KLKB1: variants seen among roughly 807,000 people sequenced by gnomAD.
The protein encoded by KLKB1 is kallikrein B1, also known as plasma kallikrein.
KLKB1 carries 58 observed loss-of-function variants against 73.6 expected under a neutral mutation model. The observed-to-expected ratio is 0.79, with a 90% CI of 0.64 to 0.98. KLKB1 has a LOEUF of 0.98. KLKB1 is among the 50% of genes least tolerant of loss of function. KLKB1 has a pLI of 0.00. For synonymous variants in KLKB1, 280 were observed against 258.1 expected (o/e 1.08, Z -0.81); for missense variants, 737 against 763.8 (o/e 0.96, Z 0.41).
At chr4:186,255,831 A>G (rs953919638) in intron 12 of KLKB1, among the ~76,000 whole-genome samples, 161 bp from the exon 13 acceptor site, 14 of 152,190 alleles carry the variant, frequency 9.2e-5, no homozygotes, top group Non-Finnish European at 1.5e-4. Flanking sequence ...GTGGTGACAA[A>G]TTTTCTTGAA....
intron 2 of KLKB1, among the ~76,000 whole-genome samples, chr4:186,219,123 G>A (rs1461404955): frequency 1.3e-5 from 2 of 152,100 alleles, no homozygotes; most frequent in African/African-American, 4.8e-5. Flanking sequence ...ATCCTAGCCC[G>A]GCTGGCAGCT....
At chr4:186,216,943 C>T (rs914658364) in intron 2 of KLKB1, among the ~76,000 whole-genome samples, 2 of 152,190 alleles carry the variant, frequency 1.3e-5, no homozygotes, top group African/African-American at 4.8e-5. Flanking sequence ...ATCTTAACCC[C>T]ATCTGCAGAA....
rs781443800 is a variant in KLKB1, at chr4:186,238,317, A to G, written c.550A>G (p.Asn184Asp). Reference sequence around the variant, plus strand: ...ACCTACCGCTATAAAGGTGCTGAGTAACGTGGAATCTGGATTCTCACTGAA... The same window carrying G: ...ACCTACCGCTATAAAGGTGCTGAGTGACGTGGAATCTGGATTCTCACTGAA... ...GTPTAIKVLS[N>D]VESGFSLKPC... The change falls in exon 6 of 15, where the codon AAC becomes GAC. Residue 184 changes from asparagine to aspartate, a missense_variant. By Grantham distance (23) the Asn-to-Asp change is conservative (BLOSUM62 1). Coordinates refer to ENST00000264690, the MANE Select transcript of KLKB1 (RefSeq NM_000892.5). The G allele has an allele frequency of 1.9e-6, 3 of 1,613,984 alleles. No individual in the cohort carries two copies. In the African/African-American group the frequency reaches 4.0e-5, roughly 22 times the overall value.
At chr4:186,252,373 T>G (rs1233810120) in intron 11 of KLKB1, among the ~76,000 whole-genome samples, 188 bp downstream of exon 11, 3 of 152,172 alleles carry the variant, frequency 2.0e-5, no homozygotes, top group Non-Finnish European at 4.4e-5. Context: ...GAGTGTGGTC[T>G]CTGTACAGGG....
intron 4 of KLKB1, among the ~76,000 whole-genome samples, chr4:186,235,024 C>T (rs890691025): frequency 2.0e-5 from 3 of 152,102 alleles, no homozygotes; most frequent in African/African-American, 7.2e-5. Flanking sequence ...TTGATATCAC[C>T]TCTTCAATAC....
chr4:186,238,154 T>C (rs1737794359), intron 5 of KLKB1, 102 bp from the exon 6 acceptor site: 1 of 780,924 alleles, frequency 1.3e-6, no homozygotes, highest in Admixed American at 1.9e-5. Context: ...ATTATCAGGG[T>C]CATTGTTTTT....
chr4:186,241,075 G>T (rs2126647981), intron 6 of KLKB1, among the ~76,000 whole-genome samples: 1 of 152,254 alleles, frequency 6.6e-6, no homozygotes, highest in South Asian at 2.1e-4. Flanking sequence ...TAAAAATATG[G>T]CTGTTTCAGG....
At position 186,254,890 on chromosome 4, in the gene KLKB1, G is replaced by A. The variant is rs957542500; in HGVS notation, c.1489+127G>A. 3.2e-4 allele frequency: 252 copies of A among 790,196 alleles called. 1 individual carries two copies. Among genetic ancestry groups the A allele is most frequent in the Admixed American group, 4.2e-4 (17 of 40,446 alleles). 48.9% of individuals were successfully genotyped at this position (790,196 alleles called of 1,614,324 possible). On this transcript the variant is annotated intron_variant, in intron 12 of 14. Transcript: ENST00000264690. ...TCTGACTGGTGGAGTTGAGGGAAAC[G>A]TGAGGGTTGCTGGGAAGTGAAGACC...
chr4:186,242,151 T>TG (rs4253265), intron 6 of KLKB1, among the ~76,000 whole-genome samples: 7 of 146,090 alleles, frequency 4.8e-5, no homozygotes, highest in African/African-American at 1.3e-4. Flanking sequence ...CGGGCAGCGG[T>TG]GGGGGGTCAC....
At chr4:186,241,343 C>A (rs759044884) in intron 6 of KLKB1, among the ~76,000 whole-genome samples, 1 of 152,048 alleles carries the variant, frequency 6.6e-6, no homozygotes, top group African/African-American at 2.4e-5. Context: ...GAAGGTGCTC[C>A]GGGGGCAACA....
chr4:186,249,203 G>A (rs1446852925), intron 6 of KLKB1, among the ~76,000 whole-genome samples: 2 of 152,110 alleles, frequency 1.3e-5, no homozygotes, highest in South Asian at 2.1e-4. Flanking sequence ...ATTCTTGCAC[G>A]TGCTTTACCT....
Position 186,254,839 on chromosome 4 carries a change from C to T in KLKB1, c.1489+76C>T, listed in dbSNP as rs1580042161. ...TTTCATATCAGTTTGAACAAGAGGG[C>T]AGACCTAGAGAGACTGTCGTCGTTT... On this transcript the variant is annotated intron_variant, in intron 12 of 14. Transcript: ENST00000264690. The T allele has an allele frequency of 3.0e-6, 4 of 1,324,228 alleles. No homozygotes were observed. The East Asian group carries it at 6.9e-5, about 23-fold the overall frequency. 82.0% of individuals were successfully genotyped at this position (1,324,228 alleles called of 1,614,324 possible). A position where few individuals can be genotyped will look rare whatever the true frequency, so the allele number is the denominator to read the frequency against.
intron 2 of KLKB1, among the ~76,000 whole-genome samples, chr4:186,214,390 T>C (rs1736829127): frequency 6.6e-6 from 1 of 152,200 alleles, no homozygotes; most frequent in Admixed American, 6.5e-5. Context: ...AGTTAGTGTG[T>C]GTCAGGTCAG....
At chr4:186,228,730 T>G (rs1737261548) in intron 2 of KLKB1, 1 of 155,766 alleles carries the variant, frequency 6.4e-6, no homozygotes, top group African/African-American at 2.4e-5. Flanking sequence ...GTAACTGGTT[T>G]AAATTTAACT....
intron 6 of KLKB1, 49 bp downstream of exon 6, chr4:186,238,414 G>A: frequency 7.7e-7 from 1 of 1,294,266 alleles, no homozygotes; most frequent in Non-Finnish European, 1.1e-6. Context: ...TGGAATAGGA[G>A]CCCCCAGAGA....
chr4:186,240,077 T>G (rs1737936276), intron 6 of KLKB1, among the ~76,000 whole-genome samples: 1 of 151,472 alleles, frequency 6.6e-6, no homozygotes, highest in African/African-American at 2.4e-5. Context: ...TATAGGAAAC[T>G]AGTACAGTGA....
chr4:186,227,771 G>A (rs1705237321), intron 1 of KLKB1, among the ~76,000 whole-genome samples, 184 bp downstream of exon 1: 2 of 152,134 alleles, frequency 1.3e-5, no homozygotes, highest in Admixed American at 1.3e-4. Context: ...AAGAATATTT[G>A]ATTGATTTAA....
chr4:186,238,545 G>A (rs1737830599), intron 6 of KLKB1, among the ~76,000 whole-genome samples, 180 bp downstream of exon 6: 2 of 152,100 alleles, frequency 1.3e-5, no homozygotes, highest in Non-Finnish European at 2.9e-5. Context: ...TTTCTGAATG[G>A]GCCCAATGTA....
chr4:186,217,058 C>A (rs755799832), intron 2 of KLKB1, among the ~76,000 whole-genome samples: 85 of 152,216 alleles, frequency 5.6e-4, no homozygotes, highest in Admixed American at 7.8e-4. Context: ...TAGAATTCTA[C>A]TTACCACGCC....
Sources: allele counts gnomAD v4.1 joint callset (sites outside exome capture counted in the v4.1 genomes callset), GRCh38; gene constraint gnomAD v4.1.1; transcripts MANE v1.5; gene names NCBI Gene and HGNC (gene_info 2026-07-23, HGNC 2026-07-21).